PDE4D: variants seen among roughly 807,000 people sequenced by gnomAD.
PDE4D encodes 3',5'-cyclic-AMP phosphodiesterase 4D.
Under a neutral mutation model 87.4 loss-of-function variants are expected in PDE4D, and 24 were observed. The observed-to-expected ratio is 0.27, with a 90% CI of 0.20 to 0.39. PDE4D has a LOEUF of 0.39. Among genes scored for constraint, PDE4D ranks in the 10% least tolerant of loss-of-function variants. The pLI, the probability that PDE4D is intolerant of heterozygous loss-of-function variation, is 1.00. For missense variants in PDE4D, 714 were observed against 1,041.0 expected (o/e 0.69, Z 4.32); for synonymous variants, 384 against 383.2 (o/e 1.00, Z -0.02).
chr5:59,038,962 T>C lies in PDE4D; in HGVS notation c.818A>G (p.Tyr273Cys). Reference sequence around the variant, plus strand: ...CAGGGTCTCGCTGGCCAGTTTCTGGTAGGCCTCCTCTGCGAAGAGACAGGG... The same window carrying C: ...CAGGGTCTCGCTGGCCAGTTTCTGGCAGGCCTCCTCTGCGAAGAGACAGGG... ...INKATITEEA[Y>C]QKLASETLEE... The change falls in exon 6 of 15, where the codon TAC becomes TGC. Residue 273 changes from tyrosine to cysteine, a missense_variant. Tyr to Cys is a radical substitution (Grantham distance 194). Around this residue, in one of 7 missense-constraint regions of PDE4D, gnomAD observed 90 missense variants for 177.6 expected, o/e 0.51. Transcript: ENST00000340635. 1.3e-6 allele frequency: 2 copies of C among 1,586,288 alleles called. No individual in the cohort carries two copies. The highest frequency in any genetic ancestry group is 2.3e-5 in the East Asian group (1 of 43,464).
rs567455091 is a variant in PDE4D at position 59,119,160 on chromosome 5, G to A, written c.808+61435C>T. Among the ~76,000 whole-genome samples, 64 of 152,218 alleles carry A rather than the reference G, an allele frequency of 4.2e-4. 1 individual carries two copies. Among genetic ancestry groups the A allele is most frequent in the South Asian group, 8.3e-4 (4 of 4,814 alleles). ...CTTTAAGGTTCAAAAGATAGCTGGC[G>A]TGACCATATTCACGAAAGTGAATTT... On this transcript the variant is annotated intron_variant, in intron 5 of 14. Transcript: ENST00000340635.
intron 1 of PDE4D, among the ~76,000 whole-genome samples, chr5:60,272,129 T>C (rs1259999727): frequency 6.6e-6 from 1 of 152,162 alleles, no homozygotes; most frequent in African/African-American, 2.4e-5. Flanking sequence ...TGCTAGAATG[T>C]GGTCTATAAA....
intron 5 of PDE4D, among the ~76,000 whole-genome samples, chr5:59,121,864 C>T (rs1378264960): frequency 1.3e-5 from 2 of 152,084 alleles, no homozygotes; most frequent in Non-Finnish European, 1.5e-5. Flanking sequence ...TGGTATACGG[C>T]CAGGCACAGT....
At chr5:60,420,892 T>G (rs1743031507) in intron 1 of PDE4D, among the ~76,000 whole-genome samples, 1 of 152,238 alleles carries the variant, frequency 6.6e-6, no homozygotes, top group Non-Finnish European at 1.5e-5. Context: ...CTCCTGTGCC[T>G]GGCTTAGCAG....
intron 1 of PDE4D, chr5:59,430,154 T>G: frequency 2.8e-6 from 2 of 712,042 alleles, no homozygotes; most frequent in Non-Finnish European, 1.9e-6. Flanking sequence ...GTTAATTTTT[T>G]TCCCAACTAT....
At chr5:59,266,578 C>G (rs745452253) in intron 1 of PDE4D, among the ~76,000 whole-genome samples, 10 of 151,792 alleles carry the variant, frequency 6.6e-5, no homozygotes, top group Non-Finnish European at 1.2e-4. Context: ...AGCTAGATCT[C>G]CAAGGAATGG....
intron 5 of PDE4D, among the ~76,000 whole-genome samples, chr5:59,160,324 T>C (rs561824452): frequency 4.7e-4 from 71 of 152,308 alleles, no homozygotes; most frequent in Middle Eastern, 6.8e-3. Context: ...TGAAATCCTA[T>C]ACATTTATCC....
chr5:60,127,226 G>T (rs1056858080), intron 2 of PDE4D, among the ~76,000 whole-genome samples: 16 of 152,176 alleles, frequency 1.1e-4, no homozygotes, highest in Non-Finnish European at 2.1e-4. Flanking sequence ...AAGGCAGAAA[G>T]GAGGCTGGAG....
intron 2 of PDE4D, among the ~76,000 whole-genome samples, chr5:60,087,255 T>G (rs1027403808): frequency 3.3e-5 from 5 of 151,996 alleles, no homozygotes; most frequent in Admixed American, 2.0e-4. Context: ...TACTAAGGAA[T>G]AAAGGCCTAA....
At chr5:59,663,600 A>C (rs1268362921) in intron 1 of PDE4D, among the ~76,000 whole-genome samples, 2 of 152,196 alleles carry the variant, frequency 1.3e-5, no homozygotes, top group South Asian at 4.1e-4. Flanking sequence ...ATAATCTATT[A>C]GATTTTATAA....
chr5:59,013,638 T>A (rs1378108530), intron 6 of PDE4D, among the ~76,000 whole-genome samples: 1 of 152,074 alleles, frequency 6.6e-6, no homozygotes, highest in Non-Finnish European at 1.5e-5. Flanking sequence ...GGTTCTGAAA[T>A]TAAGGCAATA....
chr5:59,964,658 G>C (rs1337891583), intron 3 of PDE4D, among the ~76,000 whole-genome samples: 1 of 152,000 alleles, frequency 6.6e-6, no homozygotes, highest in African/African-American at 2.4e-5. Flanking sequence ...CTCTACTCTA[G>C]ACCATGATGC....
At chr5:60,356,106 AG>A (rs957418003) in intron 1 of PDE4D, among the ~76,000 whole-genome samples, 10 of 152,180 alleles carry the variant, frequency 6.6e-5, no homozygotes, top group Non-Finnish European at 1.2e-4. Context: ...AAAAAACTGC[AG>A]GGGGTCCATA....
At chr5:60,126,812 A>C (rs909070320) in intron 2 of PDE4D, among the ~76,000 whole-genome samples, 1 of 152,196 alleles carries the variant, frequency 6.6e-6, no homozygotes, top group Non-Finnish European at 1.5e-5. Flanking sequence ...ATTGGATTCA[A>C]TTGTGTGTGA....
intron 1 of PDE4D, among the ~76,000 whole-genome samples, chr5:60,359,297 A>G (rs1031449262): frequency 2.0e-5 from 3 of 152,176 alleles, no homozygotes; most frequent in African/African-American, 7.2e-5. Context: ...GATCCCAGCT[A>G]CTCAGGAAGC....
chr5:60,452,948 A>G (rs966322448), intron 1 of PDE4D, among the ~76,000 whole-genome samples: 3 of 152,146 alleles, frequency 2.0e-5, no homozygotes, highest in African/African-American at 7.2e-5. Context: ...TGCCTCCACA[A>G]TCCTGAGATT....
chr5:59,564,632 G>A (rs796998366), intron 1 of PDE4D, among the ~76,000 whole-genome samples: 10 of 152,310 alleles, frequency 6.6e-5, no homozygotes, highest in African/African-American at 2.4e-4. Flanking sequence ...CTGACCAGAA[G>A]AGGAGAAAAC....
At chr5:59,074,526 G>T (rs973960309) in intron 5 of PDE4D, among the ~76,000 whole-genome samples, 14 of 152,160 alleles carry the variant, frequency 9.2e-5, no homozygotes, top group Admixed American at 9.2e-4. Flanking sequence ...GGGAGGCCGA[G>T]GCAGGCAGAT....
chr5:59,720,701 A>G (rs570291351), intron 1 of PDE4D, among the ~76,000 whole-genome samples: 1 of 152,294 alleles, frequency 6.6e-6, no homozygotes, highest in South Asian at 2.1e-4. Flanking sequence ...GTTCAAGACC[A>G]TCATTAAAGA....
Sources: gnomAD v4.1 joint callset for allele counts (sites outside exome capture counted in the v4.1 genomes callset) on GRCh38, gnomAD v4.1.1 for gene constraint, gnomAD v4.1.1 regional missense constraint, MANE v1.5 for transcripts, NCBI Gene and HGNC (gene_info 2026-07-23, HGNC 2026-07-21) for gene names.